The following SSH2 variants were observed in gnomAD, a reference collection of about 807,000 sequenced individuals.
SSH2 encodes protein phosphatase Slingshot homolog 2.
A neutral mutation model predicts 135.2 loss-of-function variants in SSH2; 37 were observed. The observed-to-expected ratio is 0.27, with a 90% confidence interval of 0.21 to 0.36. The LOEUF is 0.36. Ranked by LOEUF, SSH2 falls within the 10% of genes least tolerant of loss-of-function variation. The pLI is 1.00. For missense variants in SSH2, 1,408 were observed against 1,765.3 expected (o/e 0.80, Z 3.63); for synonymous variants, 628 against 646.2 (o/e 0.97, Z 0.43).
At chr17:29,826,820 C>T (rs894973844) in intron 2 of SSH2, among the ~76,000 whole-genome samples, 8 of 152,154 alleles carry the variant, frequency 5.3e-5, no homozygotes, top group African/African-American at 1.9e-4. Context: ...ACCAGCCTGA[C>T]ATGGGTCTAT....
In SSH2 at chr17:29,650,790, T is replaced by C. The variant is rs1366178545; in HGVS notation, c.1090A>G (p.Ile364Val). ...EDLQNRGVRY[I>V]LNVTREIDNF... is the part of the protein sequence containing the mutation. ...TCTATCTCTCGAGTGACATTCAAGA[T>C]ATACCGTACCCTGCAAGGAAACCAA... The change falls in exon 13 of 16, where the codon ATC becomes GTC. Residue 364 changes from isoleucine to valine, a missense_variant. By Grantham distance (29) the Ile-to-Val change is conservative (BLOSUM62 3). This residue lies in a region of SSH2 where 106 missense variants were observed against 265.2 expected (regional missense o/e 0.40). Transcript: ENST00000540801. The C allele has an allele frequency of 1.2e-6, 2 of 1,608,802 alleles. No homozygotes were observed. The highest frequency in any genetic ancestry group is 1.3e-5 in the African/African-American group (1 of 74,594).
chr17:29,814,695 G>T (rs143983537), intron 2 of SSH2, among the ~76,000 whole-genome samples: 2 of 151,742 alleles, frequency 1.3e-5, no homozygotes, highest in Non-Finnish European at 1.5e-5. Flanking sequence ...AAACTGCCAC[G>T]TAATAGAACT....
rs776670386 is a variant in SSH2, at chr17:29,655,611, T to C, written c.1033-4A>G. On this transcript the variant is annotated splice_polypyrimidine_tract_variant and splice_region_variant and intron_variant, in intron 11 of 15. Coordinates refer to ENST00000540801, the MANE Select transcript of SSH2 (RefSeq NM_001282129.2). ...TGGAGGCATTCCATTCTGAGCCCTA[T>C]GGAGCCAAAAAGACAAGGTTAAGGA... 24 of 1,613,802 alleles carry C rather than the reference T, an allele frequency of 1.5e-5. No individual in the cohort carries two copies. The highest frequency in any genetic ancestry group is 1.0e-4 in the Admixed American group (6 of 59,978).
In SSH2 at chr17:29,630,726, C is replaced by G; in HGVS notation, c.*115G>C. 8.7e-7 allele frequency: 1 copy of G among 1,154,442 alleles called. No homozygotes were observed. The highest frequency in any genetic ancestry group is 1.2e-6 in the Non-Finnish European group (1 of 819,168). 71.5% of individuals were successfully genotyped at this position (1,154,442 alleles called of 1,614,324 possible). On this transcript the variant is annotated 3_prime_UTR_variant, in exon 16 of 16. Transcript: ENST00000540801. ...ACCCAAACCCTGCATGCACCAGAAA[C>G]AGTAAAATGACCAAAATATTATAAA...
intron 3 of SSH2, among the ~76,000 whole-genome samples, chr17:29,745,491 A>G (rs1412513611): frequency 2.0e-5 from 3 of 152,170 alleles, no homozygotes; most frequent in Non-Finnish European, 4.4e-5. Flanking sequence ...CTGAATTTCT[A>G]AAGCACAAAT....
chr17:29,744,551 T>C (rs2040689492), intron 3 of SSH2, among the ~76,000 whole-genome samples: 1 of 152,210 alleles, frequency 6.6e-6, no homozygotes, highest in African/African-American at 2.4e-5. Context: ...GATTCTCATA[T>C]CCACTAGGGT....
intron 3 of SSH2, among the ~76,000 whole-genome samples, chr17:29,736,786 CAAAAAAAAAAA>C (rs1194959594): frequency 9.8e-5 from 1 of 10,206 alleles, no homozygotes; most frequent in African/African-American, 4.6e-4. Flanking sequence ...GACTCTGTCT[CAAAAAAAAAAA>C]AAAAAAAAAA....
At chr17:29,825,640 TG>T (rs1204044898) in intron 2 of SSH2, among the ~76,000 whole-genome samples, 1 of 152,246 alleles carries the variant, frequency 6.6e-6, no homozygotes, top group Non-Finnish European at 1.5e-5. Context: ...GCCTCAATAC[TG>T]ATACTACATG....
intron 3 of SSH2, among the ~76,000 whole-genome samples, chr17:29,761,843 A>ATGTGTGTGTGTGTGTGTGTGTGTGTGTG (rs752691137): frequency 7.0e-6 from 1 of 142,482 alleles, no homozygotes; most frequent in African/African-American, 2.7e-5. Flanking sequence ...TCACATACAT[A>ATGTGTGTGTGTGTGTGTGTGTGTGTGTG]TGTGTGTGTG....
At chr17:29,760,154 T>C (rs2041245417) in intron 3 of SSH2, among the ~76,000 whole-genome samples, 1 of 152,236 alleles carries the variant, frequency 6.6e-6, no homozygotes, top group Admixed American at 6.5e-5. Flanking sequence ...GTTGTGAGAT[T>C]ATCTAGAAAT....
chr17:29,679,237 A>C (rs143030734), intron 6 of SSH2, among the ~76,000 whole-genome samples: 1 of 152,074 alleles, frequency 6.6e-6, no homozygotes, highest in African/African-American at 2.4e-5. Context: ...GCTCCATGCC[A>C]ATCTATCTAG....
At chr17:29,790,789 C>T (rs8067649) in intron 3 of SSH2, among the ~76,000 whole-genome samples, 2,197 of 149,514 alleles carry the variant, frequency 0.015, 54 homozygotes, top group African/African-American at 0.05. Flanking sequence ...ATTGCAGTGG[C>T]GCAATCTCAG....
Position 29,648,136 on chromosome 17 carries a change from T to A in SSH2, c.1427+8A>T. ...AGGAGGGAGAATTGGAGAAAGTCACTGACTCACCTTGCCAGCAAGATCCCC... is the reference window on the plus strand; with the variant it reads ...AGGAGGGAGAATTGGAGAAAGTCACAGACTCACCTTGCCAGCAAGATCCCC... On this transcript the variant is annotated splice_region_variant and intron_variant, in intron 14 of 15. Coordinates refer to ENST00000540801, the MANE Select transcript of SSH2 (RefSeq NM_001282129.2). The A allele has an allele frequency of 1.2e-6, 2 of 1,613,278 alleles. No homozygotes were observed. Among genetic ancestry groups the A allele is most frequent in the Non-Finnish European group, 1.7e-6 (2 of 1,179,906 alleles).
chr17:29,674,043 C>A, intron 8 of SSH2: 1 of 456,424 alleles, frequency 2.2e-6, no homozygotes, highest in Non-Finnish European at 4.4e-6. Context: ...GTTACTAGGA[C>A]AAAGATCATG....
intron 14 of SSH2, among the ~76,000 whole-genome samples, chr17:29,646,969 T>C (rs1238691422): frequency 6.8e-6 from 1 of 146,830 alleles, no homozygotes; most frequent in Non-Finnish European, 1.5e-5. Context: ...ATGGTACTTA[T>C]TTTTTTTTTT....
intron 2 of SSH2, among the ~76,000 whole-genome samples, chr17:29,815,536 C>T (rs1303439486): frequency 6.6e-6 from 1 of 152,206 alleles, no homozygotes; most frequent in Non-Finnish European, 1.5e-5. Context: ...GCTGAGATTA[C>T]AGGCATGAGC....
At chr17:29,711,385 A>T (rs543631999) in intron 3 of SSH2, among the ~76,000 whole-genome samples, 1 of 152,236 alleles carries the variant, frequency 6.6e-6, no homozygotes, top group Admixed American at 6.5e-5. Context: ...ACAAAAAACC[A>T]AAATTACTTG....
At chr17:29,648,088 C>A in intron 14 of SSH2, 56 bp downstream of exon 14, 1 of 1,523,228 alleles carries the variant, frequency 6.6e-7, no homozygotes, top group South Asian at 1.1e-5. Context: ...AAGGACACTT[C>A]ATCTTGCTTT....
intron 2 of SSH2, among the ~76,000 whole-genome samples, chr17:29,809,765 C>G (rs906301938): frequency 1.3e-5 from 2 of 152,076 alleles, no homozygotes; most frequent in Non-Finnish European, 1.5e-5. Flanking sequence ...GCTTGGTTGA[C>G]CAGGCTGGTT....
Sources: allele counts gnomAD v4.1 joint callset (sites outside exome capture counted in the v4.1 genomes callset), GRCh38; gene constraint gnomAD v4.1.1; regional missense constraint gnomAD v4.1.1; transcripts MANE v1.5; gene names NCBI Gene and HGNC (gene_info 2026-07-23, HGNC 2026-07-21).